Variants in SEMA6A observed in about 807,000 individuals in gnomAD.
SEMA6A encodes semaphorin 6A, also known as semaphorin-6A.
In SEMA6A, 25 loss-of-function variants were observed where a neutral mutation model predicts 96.8. The ratio of observed to expected loss-of-function variants is 0.26; its 90% CI spans 0.19 to 0.36. The LOEUF is 0.36. Ranked by LOEUF, SEMA6A falls within the 10% of genes least tolerant of loss-of-function variation. The pLI is 1.00. For synonymous variants in SEMA6A, 612 were observed against 518.0 expected (o/e 1.18, Z -2.46); for missense variants, 1,363 against 1,323.1 (o/e 1.03, Z -0.47).
At chr5:116,480,459 C>CAGATT (rs1756695429) in intron 11 of SEMA6A, among the ~76,000 whole-genome samples, 182 bp from the exon 12 acceptor site, 1 of 152,214 alleles carries the variant, frequency 6.6e-6, no homozygotes, top group Non-Finnish European at 1.5e-5. Context: ...TCTGAGCCGC[C>CAGATT]TCCTCATTTC....
At chr5:116,492,390 G>A (rs1208914859) in intron 6 of SEMA6A, 1 of 152,110 alleles carries the variant, frequency 6.6e-6, no homozygotes, top group Non-Finnish European at 1.5e-5. Context: ...GGTTGGAAAG[G>A]TCCAGAGGCA....
Position 116,447,569 on chromosome 5 carries a change from G to C in SEMA6A, c.2137C>G (p.Gln713Glu). The C allele has an allele frequency of 6.2e-7, 1 of 1,614,044 alleles. No homozygotes were observed. Among genetic ancestry groups the C allele is most frequent in the Non-Finnish European group, 8.5e-7 (1 of 1,179,900 alleles). ...TKLSGLFGDT[Q>E]SKDPKPEAIL... ...GCCTCCGGCTTTGGGTCTTTGGATT[G>C]AGTGTCCCCAAAGAGGCCGCTGAGC... The change falls in exon 19 of 19, where the codon CAA becomes GAA. Residue 713 changes from glutamine to glutamate, a missense_variant. By Grantham distance (29) the Gln-to-Glu change is conservative. Around this residue, in one of 2 missense-constraint regions of SEMA6A, gnomAD observed 883 missense variants for 763.6 expected, o/e 1.16. Coordinates refer to ENST00000343348, the MANE Select transcript of SEMA6A (RefSeq NM_020796.5).
chr5:116,487,072 A>C lies in SEMA6A; in HGVS notation c.745-106T>G. On this transcript the variant is annotated intron_variant, in intron 9 of 18. Transcript: ENST00000343348. ...ACAGAAACAAAACAACAAGGTGCTTAATACTGTTTCTAAAATCAGTAACAA... is the reference window on the plus strand; with the variant it reads ...ACAGAAACAAAACAACAAGGTGCTTCATACTGTTTCTAAAATCAGTAACAA... The C allele has an allele frequency of 1.8e-5, 13 of 739,170 alleles. 1 individual carries two copies. In the South Asian group the frequency reaches 2.3e-4, roughly 13 times the overall value. The allele number at this position is 739,170 out of a possible 1,614,324, so 45.8% of individuals were successfully genotyped here. A position where few individuals can be genotyped will look rare whatever the true frequency, so the allele number is the denominator to read the frequency against.
intron 18 of SEMA6A, among the ~76,000 whole-genome samples, chr5:116,453,079 CAG>C (rs1028886152): frequency 3.9e-5 from 6 of 152,286 alleles, no homozygotes; most frequent in African/African-American, 1.4e-4. Context: ...TTAGCTGGAG[CAG>C]AGAGAGCAAC....
At chr5:116,543,380 T>C (rs181795717) in intron 1 of SEMA6A, among the ~76,000 whole-genome samples, 138 of 152,370 alleles carry the variant, frequency 9.1e-4, no homozygotes, top group African/African-American at 3.2e-3. Flanking sequence ...ATGTTCATGT[T>C]CACTGCAGAT....
At chr5:116,517,796 C>A (rs1266942861) in intron 1 of SEMA6A, among the ~76,000 whole-genome samples, 1 of 152,184 alleles carries the variant, frequency 6.6e-6, no homozygotes, top group Non-Finnish European at 1.5e-5. Flanking sequence ...AGCTGCATTT[C>A]TTCCCATCTG....
Position 116,447,305 on chromosome 5 carries a change from T to C in SEMA6A, c.2401A>G (p.Thr801Ala). The C allele has an allele frequency of 6.2e-7, 1 of 1,613,704 alleles. No individual in the cohort carries two copies. Among genetic ancestry groups the C allele is most frequent in the Non-Finnish European group, 8.5e-7 (1 of 1,179,872 alleles). ...MPPMGSPVIP[T>A]DLPLRASPSH... Reference sequence around the variant, plus strand: ...GGGGAGGCCCGCAGGGGCAGGTCCGTGGGAATCACAGGGGAGCCCATGGGG... The same window carrying C: ...GGGGAGGCCCGCAGGGGCAGGTCCGCGGGAATCACAGGGGAGCCCATGGGG... Residue 801 changes from threonine to alanine, a missense_variant, in exon 19 of 19, where the codon ACG (threonine) becomes GCG (alanine). By Grantham distance (58) the Thr-to-Ala change is moderately conservative. This residue lies in a region of SEMA6A where 883 missense variants were observed against 763.6 expected (regional missense o/e 1.16). Coordinates refer to ENST00000343348, the MANE Select transcript of SEMA6A (RefSeq NM_020796.5).
intron 1 of SEMA6A, among the ~76,000 whole-genome samples, chr5:116,528,531 T>G (rs1413447618): frequency 1.3e-5 from 2 of 152,170 alleles, no homozygotes; most frequent in African/African-American, 4.8e-5. Flanking sequence ...TCCACTCAGC[T>G]AATGAGCTTG....
intron 3 of SEMA6A, among the ~76,000 whole-genome samples, chr5:116,497,799 A>C (rs1291736511): frequency 6.6e-6 from 1 of 152,204 alleles, no homozygotes; most frequent in Non-Finnish European, 1.5e-5. Context: ...TCTGTTCATC[A>C]AGAGGGCTAA....
At chr5:116,474,267 C>T (rs1041101970) in intron 16 of SEMA6A, among the ~76,000 whole-genome samples, 2 of 140,458 alleles carry the variant, frequency 1.4e-5, no homozygotes, top group Admixed American at 7.5e-5. Context: ...GTTAATAAAG[C>T]GTGCACGCAT....
chr5:116,502,205 C>T lies in SEMA6A; in HGVS notation c.218+5G>A, dbSNP rs1403329307. 1.2e-6 allele frequency: 2 copies of T among 1,612,826 alleles called. No individual in the cohort carries two copies. The highest frequency in any genetic ancestry group is 1.7e-6 in the Non-Finnish European group (2 of 1,178,974). ...CAAGGCAGACATGGGGAAAAGGCCCCTTACCTAGCAGCAATGTAGAGGGTT... is the reference window on the plus strand; with the variant it reads ...CAAGGCAGACATGGGGAAAAGGCCCTTTACCTAGCAGCAATGTAGAGGGTT... On this transcript the variant is annotated splice_donor_5th_base_variant and intron_variant, in intron 3 of 18. Coordinates refer to ENST00000343348, the MANE Select transcript of SEMA6A (RefSeq NM_020796.5).
intron 9 of SEMA6A, among the ~76,000 whole-genome samples, chr5:116,487,466 C>T (rs890856561): frequency 6.6e-6 from 1 of 151,642 alleles, no homozygotes; most frequent in African/African-American, 2.4e-5. Flanking sequence ...AATCAAAACT[C>T]AATTTGATTA....
intron 10 of SEMA6A, among the ~76,000 whole-genome samples, chr5:116,484,066 G>GAAAA (rs542325007): frequency 9.0e-5 from 9 of 99,880 alleles, no homozygotes; most frequent in African/African-American, 1.4e-4. Flanking sequence ...TCTGTCTGAA[G>GAAAA]AAAAAAAAAA....
chr5:116,457,528 G>A (rs1230964611), intron 18 of SEMA6A, among the ~76,000 whole-genome samples: 1 of 152,046 alleles, frequency 6.6e-6, no homozygotes, highest in African/African-American at 2.4e-5. Context: ...AATAATTGGA[G>A]TGGAAAAAAA....
intron 17 of SEMA6A, chr5:116,469,488 T>C (rs1440546188): frequency 6.6e-6 from 1 of 152,076 alleles, no homozygotes; most frequent in African/African-American, 2.4e-5. Context: ...TTTAATAAAA[T>C]ATATGGTCAG....
intron 1 of SEMA6A, among the ~76,000 whole-genome samples, chr5:116,517,534 T>G (rs1181527066): frequency 6.6e-6 from 1 of 152,200 alleles, no homozygotes; most frequent in Non-Finnish European, 1.5e-5. Context: ...GCAAGAATAA[T>G]TCAGAGATGA....
chr5:116,475,957 A>T (rs1756424876), intron 15 of SEMA6A, among the ~76,000 whole-genome samples: 1 of 152,228 alleles, frequency 6.6e-6, no homozygotes, highest in Non-Finnish European at 1.5e-5. Context: ...ATGGAAGTCT[A>T]TAAATTAAAA....
At chr5:116,546,621 G>T (rs1221845995) in intron 1 of SEMA6A, among the ~76,000 whole-genome samples, 2 of 152,196 alleles carry the variant, frequency 1.3e-5, no homozygotes, top group African/African-American at 4.8e-5. Context: ...CAGGAGCAAG[G>T]CTTTAAGATT....
At position 116,447,409 on chromosome 5, in the gene SEMA6A, T is replaced by C. The variant is rs756552973; in HGVS notation, c.2297A>G (p.Gln766Arg). 2 of 1,614,050 alleles carry C rather than the reference T, an allele frequency of 1.2e-6. No homozygotes were observed. The highest frequency in any genetic ancestry group is 4.5e-5 in the East Asian group (2 of 44,870). Reference sequence around the variant, plus strand: ...GCTGCCGCGGCTGGGCTTCCGCTTCTGCTGCAGCGTTGGGGTTGACTCTGG... The same window carrying C: ...GCTGCCGCGGCTGGGCTTCCGCTTCCGCTGCAGCGTTGGGGTTGACTCTGG... Reference protein sequence around the residue: ...PTPESTPTLQQKRKPSRGSRE... With the variant: ...PTPESTPTLQRKRKPSRGSRE... Residue 766 changes from glutamine (Q) to arginine (R), a missense_variant, in exon 19 of 19, where the codon CAG becomes CGG. Transcript: ENST00000343348.
Sources: gnomAD v4.1 joint callset for allele counts (sites outside exome capture counted in the v4.1 genomes callset) on GRCh38, gnomAD v4.1.1 for gene constraint, gnomAD v4.1.1 regional missense constraint, MANE v1.5 for transcripts, NCBI Gene and HGNC (gene_info 2026-07-23, HGNC 2026-07-21) for gene names.